FOXN3: variants seen among roughly 807,000 people sequenced by gnomAD.
FOXN3 encodes forkhead box N3.
FOXN3 carries 7 observed loss-of-function variants against 38.4 expected under a neutral mutation model. The ratio of observed to expected loss-of-function variants is 0.18; its 90% CI spans 0.10 to 0.34. FOXN3 has a LOEUF of 0.34. Ranked by LOEUF, FOXN3 falls within the 10% of genes least tolerant of loss-of-function variation. The probability of loss-of-function intolerance (pLI) is 1.00; values close to 1 mark genes in which losing one functional copy is unlikely to be tolerated. For missense variants in FOXN3, 456 were observed against 613.4 expected (o/e 0.74, Z 2.71); for synonymous variants, 230 against 242.2 (o/e 0.95, Z 0.47).
At chr14:89,526,878 T>C (rs558368296) in intron 1 of FOXN3, among the ~76,000 whole-genome samples, 60 of 152,322 alleles carry the variant, frequency 3.9e-4, no homozygotes, top group African/African-American at 1.3e-3. Context: ...AATGTGCTAT[T>C]GGCAACAAGA....
intron 1 of FOXN3, among the ~76,000 whole-genome samples, chr14:89,518,583 G>C (rs1271355947): frequency 3.3e-5 from 5 of 152,130 alleles, no homozygotes; most frequent in South Asian, 2.1e-4. Context: ...TGTTTGAAGG[G>C]GGTCTCTATT....
intron 1 of FOXN3, among the ~76,000 whole-genome samples, chr14:89,460,897 G>A (rs1163803188): frequency 2.0e-5 from 3 of 151,782 alleles, no homozygotes; most frequent in African/African-American, 4.8e-5. Flanking sequence ...GCATGGTGGC[G>A]CATGCCTGTA....
intron 1 of FOXN3, among the ~76,000 whole-genome samples, chr14:89,464,364 T>G (rs777119477): frequency 5.9e-5 from 9 of 152,172 alleles, no homozygotes; most frequent in Non-Finnish European, 8.8e-5. Flanking sequence ...CCAAGAGCAC[T>G]CATCCTCTAT....
chr14:89,190,985 TA>T (rs953206321), intron 4 of FOXN3, among the ~76,000 whole-genome samples: 15 of 151,646 alleles, frequency 9.9e-5, no homozygotes, highest in African/African-American at 3.4e-4. Flanking sequence ...GTGAAGGCAT[TA>T]AAAAAAAGCA....
intron 1 of FOXN3, among the ~76,000 whole-genome samples, chr14:89,566,448 A>ATTTT (rs1895353624): frequency 3.3e-5 from 5 of 151,646 alleles, no homozygotes; most frequent in African/African-American, 1.2e-4. Flanking sequence ...AATTTTTTTA[A>ATTTT]AAAAAAATGC....
chr14:89,333,156 T>C, intron 3 of FOXN3: 1 of 161,016 alleles, frequency 6.2e-6, no homozygotes, highest in Non-Finnish European at 1.4e-5. Flanking sequence ...CAGGCCGGGC[T>C]CGGTGGCTCA....
At chr14:89,273,844 C>T (rs1363367351) in intron 4 of FOXN3, among the ~76,000 whole-genome samples, 1 of 152,142 alleles carries the variant, frequency 6.6e-6, no homozygotes, top group Non-Finnish European at 1.5e-5. Context: ...AATAAAGGGC[C>T]CCTCCTTGAA....
intron 4 of FOXN3, among the ~76,000 whole-genome samples, chr14:89,271,901 A>G (rs1886159327): frequency 6.6e-6 from 1 of 152,278 alleles, no homozygotes; most frequent in African/African-American, 2.4e-5. Flanking sequence ...ATTTTGAAGT[A>G]AAGACTGGTG....
chr14:89,325,877 C>A (rs977954808), intron 3 of FOXN3, among the ~76,000 whole-genome samples: 4 of 152,212 alleles, frequency 2.6e-5, no homozygotes, highest in African/African-American at 9.7e-5. Context: ...AAGCCTAGCC[C>A]CTGTCCTGTC....
At chr14:89,469,294 G>T (rs1318027706) in intron 1 of FOXN3, among the ~76,000 whole-genome samples, 1 of 152,062 alleles carries the variant, frequency 6.6e-6, no homozygotes. Context: ...GCCAATCCCT[G>T]CCTCCTCCCC....
intron 2 of FOXN3, among the ~76,000 whole-genome samples, chr14:89,397,758 A>G (rs542373304): frequency 1.3e-5 from 2 of 152,330 alleles, no homozygotes; most frequent in East Asian, 3.9e-4. Context: ...TCAATTTAGC[A>G]AGCCACTGAA....
chr14:89,352,937 G>T (rs368874233), intron 2 of FOXN3, among the ~76,000 whole-genome samples: 1 of 152,112 alleles, frequency 6.6e-6, no homozygotes, highest in African/African-American at 2.4e-5. Flanking sequence ...TGCAGCGAGC[G>T]GAGATCGCAC....
chr14:89,468,817 C>A (rs536779144), intron 1 of FOXN3, among the ~76,000 whole-genome samples: 1 of 152,126 alleles, frequency 6.6e-6, no homozygotes, highest in Non-Finnish European at 1.5e-5. Flanking sequence ...AATATTAAGA[C>A]ATCCTTATTC....
chr14:89,491,383 A>T (rs937235784), intron 1 of FOXN3, among the ~76,000 whole-genome samples: 2 of 152,222 alleles, frequency 1.3e-5, no homozygotes, highest in African/African-American at 4.8e-5. Flanking sequence ...GGAGATCTGT[A>T]AGGTTTTACA....
intron 4 of FOXN3, among the ~76,000 whole-genome samples, chr14:89,217,592 C>T (rs961617949): frequency 2.0e-5 from 3 of 152,262 alleles, no homozygotes; most frequent in African/African-American, 7.2e-5. Flanking sequence ...CACTTCACTT[C>T]TCTGAGCTTC....
intron 1 of FOXN3, among the ~76,000 whole-genome samples, chr14:89,480,358 G>A (rs542128585): frequency 8.6e-5 from 13 of 151,742 alleles, no homozygotes; most frequent in South Asian, 2.1e-4. Flanking sequence ...AGCCGAGACC[G>A]TGCCATTTCA....
At chr14:89,228,619 T>C (rs1187617838) in intron 4 of FOXN3, among the ~76,000 whole-genome samples, 3 of 152,350 alleles carry the variant, frequency 2.0e-5, no homozygotes, top group African/African-American at 7.2e-5. Flanking sequence ...TAGGAAAGTA[T>C]CTTCAATCCT....
At chr14:89,466,565 G>C (rs1233661666) in intron 1 of FOXN3, among the ~76,000 whole-genome samples, 3 of 152,148 alleles carry the variant, frequency 2.0e-5, no homozygotes, top group African/African-American at 7.2e-5. Context: ...GATGAATCAA[G>C]ACCTTGCCCA....
Position 89,175,896 on chromosome 14 carries a change from C to T in FOXN3, c.851+4805G>A, listed in dbSNP as rs3783881. On this transcript the variant is annotated intron_variant, in intron 5 of 5. Transcript: ENST00000557258. ...CCAACCCAGGGTGTGGGACAGCCCA[C>T]GATGCTGTGAATGTAAGAAACCTGG... is the stretch of plus-strand genomic sequence containing the variant. 3.6e-3 allele frequency among the ~76,000 whole-genome samples: 554 copies of T among 152,228 alleles called. 23 individuals are homozygous for T. In the East Asian group the frequency reaches 0.094, roughly 26 times the overall value.
Sources: gnomAD v4.1 joint callset for allele counts (sites outside exome capture counted in the v4.1 genomes callset) on GRCh38, gnomAD v4.1.1 for gene constraint, MANE v1.5 for transcripts, NCBI Gene and HGNC (gene_info 2026-07-23, HGNC 2026-07-21) for gene names.